Variants in CNR2 observed in about 807,000 individuals in gnomAD.
CNR2 encodes cannabinoid receptor 2 (macrophage).
For missense variants in CNR2, 379 were observed against 439.9 expected, an observed-to-expected ratio of 0.86 and a Z score of 1.24; for synonymous variants, 172 against 182.2, an observed-to-expected ratio of 0.94 and a Z score of 0.45.
intron 1 of CNR2, among the ~76,000 whole-genome samples, chr1:23,882,142 C>T (rs1045923954): frequency 2.6e-5 from 4 of 151,968 alleles, no homozygotes; most frequent in Non-Finnish European, 4.4e-5. Context: ...AGGCTGGTCT[C>T]GAACTCTTGA....
intron 1 of CNR2, among the ~76,000 whole-genome samples, chr1:23,894,831 T>A (rs2501403): frequency 0.82 from 124,003 of 151,676 alleles, 50,797 homozygotes; most frequent in Admixed American, 0.84. Flanking sequence ...CACTCTCTTG[T>A]CCATTTATTT....
At chr1:23,898,342 T>TCA (rs1557531635) in intron 1 of CNR2, among the ~76,000 whole-genome samples, 4 of 106,308 alleles carry the variant, frequency 3.8e-5, no homozygotes, top group Non-Finnish European at 5.6e-5. Flanking sequence ...CGGCTTTTTT[T>TCA]TTTTTTTTTT....
At chr1:23,901,711 C>G in intron 1 of CNR2, 1 of 1,418,592 alleles carries the variant, frequency 7.0e-7, no homozygotes, top group Non-Finnish European at 1.0e-6. Context: ...ATCTGTCCGA[C>G]ATGAATTTGG....
chr1:23,913,093 T>TGAGACG (rs1640613170), intron 1 of CNR2, among the ~76,000 whole-genome samples, 153 bp downstream of exon 1: 1 of 16,932 alleles, frequency 5.9e-5, no homozygotes, highest in Admixed American at 1.2e-3. Flanking sequence ...CTTGAACCTG[T>TGAGACG]GAGGCTGCAC....
intron 1 of CNR2, chr1:23,902,785 C>CCGCGCG (rs1557534062): frequency 2.9e-5 from 43 of 1,459,594 alleles, no homozygotes; most frequent in African/African-American, 1.3e-4. Flanking sequence ...CAAGTGTGGG[C>CCGCGCG]TGCGCGGGCG....
intron 1 of CNR2, among the ~76,000 whole-genome samples, chr1:23,895,338 C>T (rs1161077639): frequency 6.6e-6 from 1 of 152,164 alleles, no homozygotes; most frequent in African/African-American, 2.4e-5. Context: ...ACTAATAATG[C>T]TTACATTCAT....
intron 1 of CNR2, among the ~76,000 whole-genome samples, chr1:23,894,644 ATAATAATAAT>A (rs1553141654): frequency 2.0e-5 from 3 of 146,914 alleles, no homozygotes; most frequent in Non-Finnish European, 4.5e-5. Flanking sequence ...TGTATTATAA[ATAATAATAAT>A]AAAAAAATCA....
chr1:23,905,142 G>C (rs879382350), intron 1 of CNR2, among the ~76,000 whole-genome samples: 4 of 151,856 alleles, frequency 2.6e-5, no homozygotes, highest in Non-Finnish European at 5.9e-5. Flanking sequence ...ACTGTATACC[G>C]TGTGTCAGGC....
Position 23,875,144 on chromosome 1 carries a change from C to G in CNR2, c.474G>C (p.Trp158Cys). The G allele has an allele frequency of 6.2e-7, 1 of 1,612,744 alleles. No individual in the cohort carries two copies. The highest frequency in any genetic ancestry group is 1.7e-5 in the Admixed American group (1 of 59,930). ...GGTAGGAGACTAGTGCTGAGAGGACCCACATGATGCCCAGGGTCACCAGTG... is the reference window on the plus strand; with the variant it reads ...GGTAGGAGACTAGTGCTGAGAGGACGCACATGATGCCCAGGGTCACCAGTG... ...GRALVTLGIM[W>C]VLSALVSYLP... is the part of the protein sequence containing the mutation. The change falls in exon 2 of 2, where the codon TGG becomes TGC. Residue 158 changes from tryptophan to cysteine, a missense_variant. Coordinates refer to ENST00000374472, the MANE Select transcript of CNR2 (RefSeq NM_001841.3).
chr1:23,894,311 C>T (rs527554629), intron 1 of CNR2, among the ~76,000 whole-genome samples: 4 of 151,960 alleles, frequency 2.6e-5, no homozygotes, highest in African/African-American at 7.2e-5. Context: ...ATCCTAACTA[C>T]TCGGGTGGCT....
chr1:23,875,619 G>T lies in CNR2; in HGVS notation c.-2C>A. The stretch of plus-strand genomic sequence containing the variant: ...CTCTGTCACCCAGCATTCCTCCATG[G>T]GGTGGGCCCTTCAGATTCCACTGAG... On this transcript the variant is annotated 5_prime_UTR_variant, in exon 2 of 2. Transcript: ENST00000374472. The T allele has an allele frequency of 6.3e-7, 1 of 1,591,690 alleles. No homozygotes were observed. Among genetic ancestry groups the T allele is most frequent in the South Asian group, 1.1e-5 (1 of 88,912 alleles).
chr1:23,897,838 G>A (rs1640310274), intron 1 of CNR2, among the ~76,000 whole-genome samples: 1 of 152,036 alleles, frequency 6.6e-6, no homozygotes, highest in South Asian at 2.1e-4. Flanking sequence ...AAGGCAGCTG[G>A]ATTCTTATCT....
intron 1 of CNR2, among the ~76,000 whole-genome samples, chr1:23,911,181 G>A (rs1484877236): frequency 2.0e-5 from 3 of 150,228 alleles, no homozygotes; most frequent in Non-Finnish European, 4.4e-5. Flanking sequence ...AGAGAAGAGT[G>A]TCCATCTGCC....
chr1:23,882,891 T>C (rs1027189716), intron 1 of CNR2, among the ~76,000 whole-genome samples: 6 of 151,702 alleles, frequency 4.0e-5, no homozygotes, highest in Non-Finnish European at 8.8e-5. Flanking sequence ...ATGCAACTCA[T>C]GAAATTAGAA....
rs1339711170 is a variant in CNR2 at position 23,875,003 on chromosome 1, G to T, written c.615C>A (p.Ile205=). Residue 205 remains isoleucine (I), a synonymous_variant, in exon 2 of 2, where the codon ATC becomes ATA. Coordinates refer to ENST00000374472, the MANE Select transcript of CNR2 (RefSeq NM_001841.3). The stretch of plus-strand genomic sequence containing the variant: ...AGAGAACATGCCCATAGGTGTAGAT[G>T]ATTCCGGAAAAGAGGAAGGCGATGA... ...LLFIAFLFSG[I]IYTYGHVLWK... is the part of the protein sequence containing the mutation. The T allele has an allele frequency of 1.2e-6, 2 of 1,609,332 alleles. No individual in the cohort carries two copies. Among genetic ancestry groups the T allele is most frequent in the African/African-American group, 2.7e-5 (2 of 74,714 alleles).
Position 23,875,551 on chromosome 1 carries a change from T to A in CNR2, c.67A>T (p.Lys23Ter). The change falls in exon 2 of 2, where the codon AAG (lysine) becomes TAG (stop). Residue 23 changes from lysine to a stop codon, truncating the protein, a stop_gained. Transcript: ENST00000374472. LOFTEE classifies it high-confidence loss of function. ...SKDGLDSNPM[K>*]DYMILSGPQK... is the part of the protein sequence containing the mutation. The stretch of plus-strand genomic sequence containing the variant: ...GGACCACTCAGGATCATGTAATCCT[T>A]CATAGGGTTGGAATCCAAGCCATCC... 1 of 1,613,824 alleles carries A rather than the reference T, an allele frequency of 6.2e-7. No individual in the cohort carries two copies. The highest frequency in any genetic ancestry group is 8.5e-7 in the Non-Finnish European group (1 of 1,179,816).
chr1:23,876,186 T>G (rs1049822748), intron 1 of CNR2, among the ~76,000 whole-genome samples: 1 of 141,746 alleles, frequency 7.1e-6, no homozygotes, highest in African/African-American at 2.7e-5. Context: ...CAATTTATTT[T>G]ATTTTAATTT....
chr1:23,889,055 A>G (rs1323241471), intron 1 of CNR2, among the ~76,000 whole-genome samples: 1 of 152,070 alleles, frequency 6.6e-6, no homozygotes, highest in Non-Finnish European at 1.5e-5. Flanking sequence ...CAAAAATACC[A>G]CTGTTCAGAA....
At position 23,874,780 on chromosome 1, in the gene CNR2, C is replaced by A; in HGVS notation, c.838G>T (p.Ala280Ser). 1 of 1,614,158 alleles carries A rather than the reference C, an allele frequency of 6.2e-7. No individual in the cohort carries two copies. The highest frequency in any genetic ancestry group is 8.5e-7 in the Non-Finnish European group (1 of 1,180,032). ...CACAGCATGGAGCAGAAAGCAAAGGCCTTCTTGACCTGGTCACTGAGCGTA... is the reference window on the plus strand; with the variant it reads ...CACAGCATGGAGCAGAAAGCAAAGGACTTCTTGACCTGGTCACTGAGCGTA... ...ATTLSDQVKK[A>S]FAFCSMLCLI... Residue 280 changes from alanine to serine, a missense_variant, in exon 2 of 2, where the codon GCC becomes TCC. By Grantham distance (99) the Ala-to-Ser change is moderately conservative. Transcript: ENST00000374472.
Sources: gnomAD v4.1 joint callset for allele counts (sites outside exome capture counted in the v4.1 genomes callset) on GRCh38, gnomAD v4.1.1 for gene constraint, MANE v1.5 for transcripts, NCBI Gene and HGNC (gene_info 2026-07-23, HGNC 2026-07-21) for gene names.